Variants in KLRG2 observed in about 807,000 individuals in gnomAD.
KLRG2 encodes the protein killer cell lectin-like receptor subfamily G member 2.
A neutral mutation model predicts 35.4 loss-of-function variants in KLRG2; 39 were observed. The observed-to-expected ratio is 1.10, with a 90% CI of 0.85 to 1.44. The LOEUF (loss-of-function observed/expected upper bound fraction) is 1.44. Among genes scored for constraint, KLRG2 ranks in the 40% most tolerant of loss-of-function variants. The pLI, the probability that KLRG2 is intolerant of heterozygous loss-of-function variation, is 0.00. For missense variants in KLRG2, 632 were observed against 570.9 expected, an observed-to-expected ratio of 1.11 and a Z score of -1.09; for synonymous variants, 283 against 265.8, an observed-to-expected ratio of 1.06 and a Z score of -0.63.
At chr7:139,478,710 G>A (rs1292261638) in intron 3 of KLRG2, among the ~76,000 whole-genome samples, 1 of 152,050 alleles carries the variant, frequency 6.6e-6, no homozygotes. Context: ...GCCAAGGACT[G>A]GATCCTATCT....
chr7:139,465,681 G>T (rs1796640502), intron 3 of KLRG2, among the ~76,000 whole-genome samples: 1 of 133,852 alleles, frequency 7.5e-6, no homozygotes, highest in African/African-American at 3.0e-5. Flanking sequence ...GAGAGTGTGA[G>T]ACTCTGTCTC....
chr7:139,477,720 A>G (rs896573610), intron 3 of KLRG2, among the ~76,000 whole-genome samples: 1 of 152,148 alleles, frequency 6.6e-6, no homozygotes, highest in Non-Finnish European at 1.5e-5. Flanking sequence ...TACACTTAAA[A>G]TGGCTAGGAT....
rs750238255 is a variant in KLRG2 at position 139,480,145 on chromosome 7, C to T, written c.859+1G>A. ...GGATGGGGACTGCAGGGACACCATA[C>T]CTGCTCTTGAGGCCAGGACCACAAT... On this transcript the variant is annotated splice_donor_variant, in intron 2 of 4. Transcript: ENST00000340940. LOFTEE classifies it high-confidence loss of function. 1.9e-6 allele frequency: 3 copies of T among 1,608,816 alleles called. No individual in the cohort carries two copies. Among genetic ancestry groups the T allele is most frequent in the Middle Eastern group, 1.7e-4 (1 of 6,052 alleles).
chr7:139,472,894 C>T (rs994052213), intron 3 of KLRG2, among the ~76,000 whole-genome samples: 17 of 152,162 alleles, frequency 1.1e-4, no homozygotes, highest in Non-Finnish European at 2.2e-4. Flanking sequence ...CCCCATGCAG[C>T]GAGGTAACTA....
At chr7:139,444,375 T>TTCACCA in the KLRG2 span, among the ~76,000 whole-genome samples, 2 of 151,106 alleles carry the variant, frequency 1.3e-5, no homozygotes, top group African/African-American at 4.9e-5. Context: ...GAGAAGGGGG[T>TTCACCA]TTCACCACGT....
At chr7:139,429,557 T>C in the KLRG2 span, among the ~76,000 whole-genome samples, 2 of 151,474 alleles carry the variant, frequency 1.3e-5, no homozygotes, top group Non-Finnish European at 2.9e-5. Flanking sequence ...TACTTGAGAT[T>C]AGGGAGTGGT....
the KLRG2 span, among the ~76,000 whole-genome samples, chr7:139,444,898 A>G: frequency 6.6e-6 from 1 of 152,216 alleles, no homozygotes; most frequent in Non-Finnish European, 1.5e-5. Flanking sequence ...TCTCCTATCC[A>G]TAAGTATAAA....
intron 3 of KLRG2, among the ~76,000 whole-genome samples, chr7:139,470,353 C>T (rs967430719): frequency 5.3e-5 from 8 of 152,140 alleles, no homozygotes; most frequent in Admixed American, 1.3e-4. Context: ...CCACTGCGCC[C>T]GGCTATGGAT....
At chr7:139,457,495 T>G (rs1431147365) in intron 3 of KLRG2, among the ~76,000 whole-genome samples, 1 of 152,160 alleles carries the variant, frequency 6.6e-6, no homozygotes, top group Non-Finnish European at 1.5e-5. Flanking sequence ...AAAACGAAGA[T>G]GCTTGTGATG....
intron 3 of KLRG2, among the ~76,000 whole-genome samples, chr7:139,466,709 G>A (rs146394735): frequency 0.011 from 1,651 of 149,066 alleles, 27 homozygotes; most frequent in African/African-American, 0.039. Context: ...CTCCAAAATC[G>A]CCGAGGCCTC....
At chr7:139,473,242 G>C (rs1351588357) in intron 3 of KLRG2, among the ~76,000 whole-genome samples, 3 of 152,078 alleles carry the variant, frequency 2.0e-5, no homozygotes, top group Non-Finnish European at 2.9e-5. Context: ...GATTGCTCCA[G>C]TGCATTCCAG....
intron 3 of KLRG2, among the ~76,000 whole-genome samples, chr7:139,475,530 C>CAA (rs532874176): frequency 0.019 from 2,569 of 136,894 alleles, 80 homozygotes; most frequent in African/African-American, 0.064. Context: ...GACTCTATCT[C>CAA]AAAAAAAAAA....
In KLRG2 at chr7:139,483,601, C is replaced by T. The variant is rs1321646919; in HGVS notation, c.42G>A (p.Gly14=). ...SWEAAPGGQA[G]AELPMEPVGS... is the part of the protein sequence containing the mutation. The stretch of plus-strand genomic sequence containing the variant: ...CCACGGGCTCCATTGGGAGCTCTGC[C>T]CCGGCTTGGCCTCCGGGCGCAGCCT... The change falls in exon 1 of 5, where the codon GGG becomes GGA. Residue 14 remains glycine, a synonymous_variant. Transcript: ENST00000340940. 6.3e-7 allele frequency: 1 copy of T among 1,587,002 alleles called. No individual in the cohort carries two copies. The highest frequency in any genetic ancestry group is 2.3e-5 in the East Asian group (1 of 44,016).
At position 139,479,763 on chromosome 7, in the gene KLRG2, C is replaced by T; in HGVS notation, c.869G>A (p.Cys290Tyr). Residue 290 changes from cysteine (C) to tyrosine (Y), a missense_variant, in exon 3 of 5, where the codon TGC becomes TAC. Physicochemically the swap from Cys to Tyr is radical, Grantham distance 194. Transcript: ENST00000340940. ...VVLASRAGAR[C>Y]QQCPPGWVLS... is the part of the protein sequence containing the mutation. ...CACCCAGCCTGGGGGGCACTGCTGGCATCTGGCTCCTGCAAGCACAGAGAC... is the reference window on the plus strand; with the variant it reads ...CACCCAGCCTGGGGGGCACTGCTGGTATCTGGCTCCTGCAAGCACAGAGAC... The T allele has an allele frequency of 1.2e-6, 2 of 1,613,570 alleles. No homozygotes were observed. The highest frequency in any genetic ancestry group is 2.2e-5 in the South Asian group (2 of 91,022).
At chr7:139,481,871 G>A (rs1796965982) in intron 1 of KLRG2, among the ~76,000 whole-genome samples, 1 of 151,912 alleles carries the variant, frequency 6.6e-6, no homozygotes, top group East Asian at 1.9e-4. Context: ...AGGTTGCAGT[G>A]AGCCGAGATT....
chr7:139,435,272 T>C, the KLRG2 span, among the ~76,000 whole-genome samples: 1 of 152,154 alleles, frequency 6.6e-6, no homozygotes, highest in Non-Finnish European at 1.5e-5. Context: ...AGTGGATCAC[T>C]TGAGGTCAGG....
At chr7:139,437,461 T>G in the KLRG2 span, among the ~76,000 whole-genome samples, 1 of 150,778 alleles carries the variant, frequency 6.6e-6, no homozygotes, top group Non-Finnish European at 1.5e-5. Context: ...AATTCATCAT[T>G]AGTTTGTTTG....
the KLRG2 span, among the ~76,000 whole-genome samples, chr7:139,429,829 C>G: frequency 6.6e-6 from 1 of 152,172 alleles, no homozygotes; most frequent in Non-Finnish European, 1.5e-5. Flanking sequence ...CTTCCCCCCC[C>G]TTTCTATTCC....
chr7:139,440,410 G>GTTTT, the KLRG2 span, among the ~76,000 whole-genome samples: 3 of 61,244 alleles, frequency 4.9e-5, no homozygotes, highest in African/African-American at 3.7e-4. Flanking sequence ...ACCACACCTG[G>GTTTT]CTTTTTTTTT....
Sources: gnomAD v4.1 joint callset for allele counts (sites outside exome capture counted in the v4.1 genomes callset) on GRCh38, gnomAD v4.1.1 for gene constraint, MANE v1.5 for transcripts, NCBI Gene and HGNC (gene_info 2026-07-23, HGNC 2026-07-21) for gene names.